UXS1: variants seen among roughly 807,000 people sequenced by gnomAD.
UXS1 encodes the protein UDP-glucuronic acid decarboxylase 1.
Under a neutral mutation model 62.6 loss-of-function variants are expected in UXS1, and 33 were observed. The ratio of observed to expected loss-of-function variants is 0.53; its 90% confidence interval spans 0.40 to 0.70. UXS1 has a LOEUF of 0.70. Among genes scored for constraint, UXS1 ranks in the 30% least tolerant of loss-of-function variants. The pLI, the probability that UXS1 is intolerant of heterozygous loss-of-function variation, is 0.00. For missense variants in UXS1, 434 were observed against 556.3 expected, an observed-to-expected ratio of 0.78 and a Z score of 2.21; for synonymous variants, 213 against 206.8, an observed-to-expected ratio of 1.03 and a Z score of -0.26.
chr2:106,107,285 G>A (rs1168821240), intron 10 of UXS1, among the ~76,000 whole-genome samples: 1 of 152,220 alleles, frequency 6.6e-6, no homozygotes, highest in Non-Finnish European at 1.5e-5. Context: ...TTCACAGAAA[G>A]CCCACCTTTG....
rs927369809 is a variant in UXS1, at chr2:106,163,780, G to C, written c.187-70C>G. On this transcript the variant is annotated intron_variant, in intron 3 of 14. Coordinates refer to ENST00000283148, the MANE Select transcript of UXS1 (RefSeq NM_001253875.2). ...TTCTCAACCCCTTTCACCCCATTCT[G>C]ATGTTTCAGATAAGGCAAAACAGGT... 7 of 995,084 alleles carry C rather than the reference G, an allele frequency of 7.0e-6. No homozygotes were observed. In the African/African-American group the frequency reaches 1.2e-4, roughly 17 times the overall value. 61.6% of individuals were successfully genotyped at this position (995,084 alleles called of 1,614,324 possible).
intron 1 of UXS1, among the ~76,000 whole-genome samples, chr2:106,177,008 T>C (rs1374109104): frequency 6.6e-6 from 1 of 152,042 alleles, no homozygotes; most frequent in East Asian, 1.9e-4. Flanking sequence ...GGGAAAAAAT[T>C]TTGCCCCAAG....
At chr2:106,164,824 G>A in intron 2 of UXS1, 25 bp from the exon 3 acceptor site, 1 of 1,543,750 alleles carries the variant, frequency 6.5e-7, no homozygotes, top group Non-Finnish European at 8.8e-7. Context: ...TCAACTGAAA[G>A]GCTTTGTGAC....
chr2:106,141,878 T>G (rs76268717), intron 6 of UXS1, among the ~76,000 whole-genome samples: 16 of 145,404 alleles, frequency 1.1e-4, no homozygotes, highest in Admixed American at 2.8e-4. Context: ...TTTTTTTTGG[T>G]TTTTTTTTTT....
chr2:106,180,087 C>T (rs946328678), intron 1 of UXS1, among the ~76,000 whole-genome samples: 4 of 152,120 alleles, frequency 2.6e-5, no homozygotes, highest in Non-Finnish European at 2.9e-5. Context: ...CCAGCCTAGG[C>T]GACAGAGCGA....
At chr2:106,181,536 T>C (rs1272009724) in intron 1 of UXS1, among the ~76,000 whole-genome samples, 3 of 151,996 alleles carry the variant, frequency 2.0e-5, no homozygotes, top group Non-Finnish European at 4.4e-5. Context: ...CTGGGCAACA[T>C]GGTGAAACCC....
chr2:106,094,636 G>A (rs1448579329), intron 14 of UXS1, among the ~76,000 whole-genome samples: 1 of 152,092 alleles, frequency 6.6e-6, no homozygotes, highest in East Asian at 1.9e-4. Context: ...ACTGCCTAGC[G>A]GATCATGGCC....
chr2:106,095,421 GAATGA>G (rs1676993784), intron 14 of UXS1, among the ~76,000 whole-genome samples: 1 of 152,236 alleles, frequency 6.6e-6, no homozygotes, highest in Non-Finnish European at 1.5e-5. Context: ...GTACATGACA[GAATGA>G]AATAAGGATC....
intron 10 of UXS1, among the ~76,000 whole-genome samples, chr2:106,112,218 G>C (rs1206312658): frequency 6.6e-6 from 1 of 152,228 alleles, no homozygotes. Context: ...GGATGGTACC[G>C]AGGGCCTGCC....
In UXS1 at chr2:106,145,382, C is replaced by A. The variant is rs771486408; in HGVS notation, c.292-12G>T. 1 of 1,606,774 alleles carries A rather than the reference C, an allele frequency of 6.2e-7. No homozygotes were observed. Among genetic ancestry groups the A allele is most frequent in the Admixed American group, 1.7e-5 (1 of 59,376 alleles). ...GCGCCTCCTGTTATCTGCATCCGGA[C>A]AGCGTGTGCAGAGCATTCCCAGAAA... On this transcript the variant is annotated splice_polypyrimidine_tract_variant and intron_variant, in intron 5 of 14. Coordinates refer to ENST00000283148, the MANE Select transcript of UXS1 (RefSeq NM_001253875.2).
At chr2:106,099,361 T>C (rs1307914455) in intron 12 of UXS1, among the ~76,000 whole-genome samples, 1 of 152,198 alleles carries the variant, frequency 6.6e-6, no homozygotes, top group Non-Finnish European at 1.5e-5. Context: ...TCAGAGCACC[T>C]GTTACTCTTA....
At chr2:106,186,691 A>T (rs1205337677) in intron 1 of UXS1, among the ~76,000 whole-genome samples, 1 of 152,150 alleles carries the variant, frequency 6.6e-6, no homozygotes, top group South Asian at 2.1e-4. Context: ...GGTGGCACAC[A>T]CCTGTAGTCC....
intron 6 of UXS1, among the ~76,000 whole-genome samples, chr2:106,140,281 TG>T (rs746864496): frequency 3.3e-5 from 5 of 152,202 alleles, no homozygotes; most frequent in Non-Finnish European, 7.3e-5. Context: ...GAATTTTCAG[TG>T]TCCTAGGCTG....
At chr2:106,130,862 A>AT (rs541975858) in intron 6 of UXS1, among the ~76,000 whole-genome samples, 94 of 151,996 alleles carry the variant, frequency 6.2e-4, no homozygotes, top group African/African-American at 1.8e-3. Flanking sequence ...ATATATATAT[A>AT]TTTTTTTTAA....
rs1390937400 is a variant in UXS1 at position 106,194,214 on chromosome 2, C to G, written c.28G>C (p.Val10Leu). Residue 10 changes from valine (V) to leucine (L), a missense_variant, in exon 1 of 15, where the codon GTG becomes CTG. By Grantham distance (32) the Val-to-Leu change is conservative. Around this residue, in one of 3 missense-constraint regions of UXS1, gnomAD observed 91 missense variants for 71.1 expected, o/e 1.28. Transcript: ENST00000283148. Reference sequence around the variant, plus strand: ...ATCCTCCTGCGGTTGACGGCAGACACGAGGCGCAGCAGCGCCTTGCTCACC... The same window carrying G: ...ATCCTCCTGCGGTTGACGGCAGACAGGAGGCGCAGCAGCGCCTTGCTCACC... MVSKALLRL[V>L]SAVNRRRMKL... is the part of the protein sequence containing the mutation. 4.1e-6 allele frequency: 6 copies of G among 1,464,908 alleles called. No homozygotes were observed. The highest frequency in any genetic ancestry group is 4.7e-5 in the Admixed American group (2 of 42,616). The allele number at this position is 1,464,908 out of a possible 1,614,324, so 90.7% of individuals were successfully genotyped here.
intron 9 of UXS1, among the ~76,000 whole-genome samples, chr2:106,117,609 G>C (rs17213078): frequency 7.2e-5 from 11 of 152,132 alleles, no homozygotes; most frequent in African/African-American, 1.9e-4. Flanking sequence ...AGTGGGAGCA[G>C]GTCCTGAAGG....
chr2:106,175,081 C>A (rs1308644702), intron 1 of UXS1, among the ~76,000 whole-genome samples: 1 of 152,206 alleles, frequency 6.6e-6, no homozygotes, highest in East Asian at 1.9e-4. Flanking sequence ...GGCAGCGAAG[C>A]CTCCTGGAAT....
chr2:106,121,834 C>T (rs574943044), intron 9 of UXS1, among the ~76,000 whole-genome samples: 7 of 152,200 alleles, frequency 4.6e-5, no homozygotes, highest in African/African-American at 1.4e-4. Flanking sequence ...AGAGAGTCCT[C>T]GACATTCTCT....
At chr2:106,188,987 A>C (rs1168797960) in intron 1 of UXS1, among the ~76,000 whole-genome samples, 2 of 152,256 alleles carry the variant, frequency 1.3e-5, no homozygotes, top group Admixed American at 6.5e-5. Context: ...AATGTAAAAA[A>C]ATCACTAGAA....
Sources: gnomAD v4.1 joint callset for allele counts (sites outside exome capture counted in the v4.1 genomes callset) on GRCh38, gnomAD v4.1.1 for gene constraint, gnomAD v4.1.1 regional missense constraint, MANE v1.5 for transcripts, NCBI Gene and HGNC (gene_info 2026-07-23, HGNC 2026-07-21) for gene names.